Variants in SMPD4 observed in about 807,000 individuals in gnomAD.
SMPD4 encodes the protein sphingomyelin phosphodiesterase 4, also known as neutral sphingomyelinase 3.
A neutral mutation model predicts 97.8 loss-of-function variants in SMPD4; 58 were observed. The ratio of observed to expected loss-of-function variants is 0.59; its 90% CI spans 0.48 to 0.74. The LOEUF (loss-of-function observed/expected upper bound fraction) is 0.74. Among genes scored for constraint, SMPD4 ranks in the 30% least tolerant of loss-of-function variants. The pLI, the probability that SMPD4 is intolerant of heterozygous loss-of-function variation, is 0.00. For synonymous variants in SMPD4, 388 were observed against 450.0 expected, an observed-to-expected ratio of 0.86 and a Z score of 1.74; for missense variants, 853 against 1,080.5, an observed-to-expected ratio of 0.79 and a Z score of 2.95.
Position 130,152,886 on chromosome 2 carries a change from T to C in SMPD4, c.2155-2A>G. On this transcript the variant is annotated splice_acceptor_variant, in intron 19 of 19. Transcript: ENST00000680298. LOFTEE classifies it high-confidence loss of function. ...CAGAGCCGCCATCTGTCCTGCAAAC[T>C]GAAGCACAGACAGAGGCACGGGGAT... is the stretch of plus-strand genomic sequence containing the variant. The C allele has an allele frequency of 1.3e-6, 2 of 1,579,542 alleles. No individual in the cohort carries two copies. The highest frequency in any genetic ancestry group is 1.7e-6 in the Non-Finnish European group (2 of 1,160,644).
At chr2:130,178,426 T>C (rs907613314) in intron 1 of SMPD4, among the ~76,000 whole-genome samples, 2 of 152,100 alleles carry the variant, frequency 1.3e-5, no homozygotes, top group African/African-American at 4.8e-5. Context: ...CCCTCCATAT[T>C]ACCTGTGCAC....
At chr2:130,170,374 C>G (rs1192143634) in intron 8 of SMPD4, among the ~76,000 whole-genome samples, 2 of 147,202 alleles carry the variant, frequency 1.4e-5, no homozygotes, top group Admixed American at 1.4e-4. Context: ...GTAGTCCCAG[C>G]TACTTGGGAC....
At chr2:130,169,135 G>A (rs977942082) in intron 8 of SMPD4, among the ~76,000 whole-genome samples, 11 of 152,132 alleles carry the variant, frequency 7.2e-5, no homozygotes, top group Admixed American at 5.9e-4. Flanking sequence ...GTCCCACTAC[G>A]GTGCTCCTCC....
chr2:130,172,542 G>A, intron 7 of SMPD4, 42 bp from the exon 8 acceptor site: 1 of 1,613,068 alleles, frequency 6.2e-7, no homozygotes, highest in Non-Finnish European at 8.5e-7. Context: ...TCTGGACACT[G>A]CCAGGCCACC....
intron 11 of SMPD4, chr2:130,158,152 A>G: frequency 8.1e-7 from 1 of 1,241,244 alleles, no homozygotes; most frequent in Non-Finnish European, 1.0e-6. Context: ...TAAGAACCCC[A>G]TGGCTTCACT....
At chr2:130,158,338 GACA>G (rs910375323) in intron 11 of SMPD4, 20 of 926,198 alleles carry the variant, frequency 2.2e-5, no homozygotes, top group South Asian at 8.1e-5. Context: ...TTTTTCTTGA[GACA>G]ACGTCTCCCT....
At chr2:130,181,391 C>T (rs1025386308) in intron 1 of SMPD4, 139 bp downstream of exon 1, 1 of 1,459,856 alleles carries the variant, frequency 6.8e-7, no homozygotes, top group Non-Finnish European at 9.0e-7. Flanking sequence ...CTCCACTCCC[C>T]AGCCTGCCCT....
At chr2:130,165,137 AG>A (rs1687808080) in intron 9 of SMPD4, among the ~76,000 whole-genome samples, 1 of 139,984 alleles carries the variant, frequency 7.1e-6, no homozygotes. Flanking sequence ...AAAAAAAAAA[AG>A]GGCTGGGCAC....
chr2:130,175,549 G>A (rs1483751341), intron 2 of SMPD4, among the ~76,000 whole-genome samples: 2 of 152,108 alleles, frequency 1.3e-5, no homozygotes, highest in Admixed American at 1.3e-4. Flanking sequence ...AAAACACAGG[G>A]CAGACAAAAA....
Position 130,173,517 on chromosome 2 carries a change from G to T in SMPD4, c.266C>A (p.Pro89His). 1 of 1,600,776 alleles carries T rather than the reference G, an allele frequency of 6.2e-7. No individual in the cohort carries two copies. The highest frequency in any genetic ancestry group is 8.5e-7 in the Non-Finnish European group (1 of 1,171,192). ...CTCCGGTGACCAACCTACCTACCCA[G>T]GGTCGAGAAATTCCATCACGATGCT... ...EYSIVMEFLD[P>H]GGPMMKLVYK... is the part of the protein sequence containing the mutation. The change falls in exon 4 of 20, where the codon CCT (proline) becomes CAT (histidine). Residue 89 changes from proline to histidine, a missense_variant. Physicochemically the swap from Pro to His is moderately conservative, Grantham distance 77. Transcript: ENST00000680298.
chr2:130,167,650 G>C, intron 8 of SMPD4, 60 bp from the exon 9 acceptor site: 5 of 1,527,658 alleles, frequency 3.3e-6, no homozygotes, highest in Non-Finnish European at 4.4e-6. Flanking sequence ...CGCTCCCGCT[G>C]TAACAGGGGC....
At position 130,167,555 on chromosome 2, in the gene SMPD4, T is replaced by C; in HGVS notation, c.695A>G (p.His232Arg). 1 of 1,613,288 alleles carries C rather than the reference T, an allele frequency of 6.2e-7. No individual in the cohort carries two copies. Among genetic ancestry groups the C allele is most frequent in the South Asian group, 1.1e-5 (1 of 91,020 alleles). The change falls in exon 9 of 20, where the codon CAC becomes CGC. Residue 232 changes from histidine (H) to arginine (R), a missense_variant. His to Arg is a conservative substitution (Grantham distance 29). Coordinates refer to ENST00000680298, the MANE Select transcript of SMPD4 (RefSeq NM_017951.5). ...GTGTCGCTTTAGGAGGCTAGTGTGG[T>C]GGAGGCCATAGGAAGCAAAGGGTAT... ...PAIPFASYGLHHTSLLKRHIS... is the reference protein window; with the variant it reads ...PAIPFASYGLRHTSLLKRHIS...
chr2:130,174,979 TAG>T lies in SMPD4; in HGVS notation c.59_60del (p.Ser20TyrfsTer3), dbSNP rs750036020. 46 of 1,607,756 alleles carry T rather than the reference TAG, an allele frequency of 2.9e-5. No homozygotes were observed. Among genetic ancestry groups the T allele is most frequent in the Non-Finnish European group, 3.5e-5 (41 of 1,174,652 alleles). On this transcript the variant is annotated frameshift_variant, in exon 3 of 20. Transcript: ENST00000680298. LOFTEE classifies it high-confidence loss of function. ...CACTGCTGTGCAAAGGGCTTATTTA[TAG>T]AGTCAGCTTTCAGGCTAGCCTAGAA... Reference protein sequence around the residue: ...SFLLASLKADSINKPFAQQCQ... With the variant: ...SFLLASLKADXINKPFAQQCQ...
intron 5 of SMPD4, 148 bp from the exon 6 acceptor site, chr2:130,173,043 C>T (rs1688628931): frequency 3.3e-6 from 4 of 1,220,100 alleles, no homozygotes; most frequent in Non-Finnish European, 4.5e-6. Context: ...TGCCCTGCCT[C>T]TGAGCAGTGC....
intron 12 of SMPD4, among the ~76,000 whole-genome samples, chr2:130,156,982 C>CAGAA (rs760873772): frequency 6.6e-6 from 1 of 152,228 alleles, no homozygotes; most frequent in Non-Finnish European, 1.5e-5. Context: ...CACCCCAACT[C>CAGAA]TTCTGACAGG....
intron 11 of SMPD4, among the ~76,000 whole-genome samples, chr2:130,160,686 C>CG (rs397695379): frequency 6.6e-6 from 1 of 151,986 alleles, no homozygotes; most frequent in Non-Finnish European, 1.5e-5. Flanking sequence ...TTCCCACCCC[C>CG]TGCCTCACAC....
At position 130,176,548 on chromosome 2, in the gene SMPD4, A is replaced by C. The variant is rs1260868751; in HGVS notation, c.39+6T>G. The C allele has an allele frequency of 5.6e-6, 9 of 1,609,078 alleles. 1 individual carries two copies. In the Admixed American group the frequency reaches 1.4e-4, roughly 24 times the overall value. ...ACTGACACTCATGCAAGCAGTTGAT[A>C]TTTACCAGTAGAAAGCTGGGCTGCT... On this transcript the variant is annotated splice_donor_region_variant and intron_variant, in intron 2 of 19. Transcript: ENST00000680298.
intron 19 of SMPD4, 48 bp downstream of exon 19, chr2:130,152,995 T>C (rs755180132): frequency 2.6e-5 from 42 of 1,585,644 alleles, no homozygotes; most frequent in Admixed American, 7.1e-5. Flanking sequence ...GGCAGGAGCA[T>C]CTAGAACCCT....
In SMPD4 at chr2:130,155,213, C is replaced by T. The variant is rs774937247; in HGVS notation, c.1336G>A (p.Val446Met). 8.1e-6 allele frequency: 13 copies of T among 1,614,184 alleles called. No homozygotes were observed. The South Asian group carries it at 1.4e-4, about 18-fold the overall frequency. The change falls in exon 15 of 20, where the codon GTG (valine) becomes ATG (methionine). Residue 446 changes from valine to methionine, a missense_variant. Physicochemically the swap from Val to Met is conservative, Grantham distance 21. Coordinates refer to ENST00000680298, the MANE Select transcript of SMPD4 (RefSeq NM_017951.5). ...ENLLMYTKLF[V>M]GFLNRALRTD... ...CGGAGCGCGCGGTTCAGAAAGCCCA[C>T]AAACAACTTGGTGTACATCAGCAGG...
Sources: gnomAD v4.1 joint callset for allele counts (sites outside exome capture counted in the v4.1 genomes callset) on GRCh38, gnomAD v4.1.1 for gene constraint, MANE v1.5 for transcripts, NCBI Gene and HGNC (gene_info 2026-07-23, HGNC 2026-07-21) for gene names.